The following LAMA3 variants were observed in gnomAD, a reference collection of about 807,000 sequenced individuals.
LAMA3 encodes laminin subunit alpha-3.
LAMA3 carries 281 observed loss-of-function variants against 402.0 expected under a neutral mutation model. The observed-to-expected ratio is 0.70, with a 90% confidence interval of 0.63 to 0.77. The LOEUF (loss-of-function observed/expected upper bound fraction) is 0.77, where lower values mean the gene tolerates loss of function less well. Among genes scored for constraint, LAMA3 ranks in the 30% least tolerant of loss-of-function variants. LAMA3 has a pLI of 0.00. For missense variants in LAMA3, 3,840 were observed against 4,215.5 expected, an observed-to-expected ratio of 0.91 and a Z score of 2.47; for synonymous variants, 1,431 against 1,558.4, an observed-to-expected ratio of 0.92 and a Z score of 1.93.
At chr18:23,892,609 A>C (rs1387294878) in intron 42 of LAMA3, among the ~76,000 whole-genome samples, 2 of 152,146 alleles carry the variant, frequency 1.3e-5, no homozygotes, top group Non-Finnish European at 2.9e-5. Flanking sequence ...ATATATACAT[A>C]TAAGAGCAAA....
chr18:23,931,076 G>A lies in LAMA3; in HGVS notation c.8451G>A (p.Gln2817=). 1 of 1,613,812 alleles carries A rather than the reference G, an allele frequency of 6.2e-7. No homozygotes were observed. Among genetic ancestry groups the A allele is most frequent in the South Asian group, 1.1e-5 (1 of 91,082 alleles). Residue 2817 remains glutamine, a synonymous_variant, in exon 65 of 75, where the codon CAG becomes CAA. Coordinates refer to ENST00000313654, the MANE Select transcript of LAMA3 (RefSeq NM_198129.4). ...LDHQTWTRNL[Q]VTLEDGYIEL... ...GGTGATTTCAGACAAGGAACCTGCAGGTCACTCTGGAAGATGGTTACATTG... is the reference window on the plus strand; with the variant it reads ...GGTGATTTCAGACAAGGAACCTGCAAGTCACTCTGGAAGATGGTTACATTG...
intron 38 of LAMA3, chr18:23,872,745 A>T (rs1433958640): frequency 2.3e-6 from 1 of 429,594 alleles, no homozygotes; most frequent in Non-Finnish European, 4.4e-6. Context: ...CCACCCTCCT[A>T]CCCAGGGCGT....
At chr18:23,778,653 C>T (rs964930765) in intron 11 of LAMA3, among the ~76,000 whole-genome samples, 2 of 152,188 alleles carry the variant, frequency 1.3e-5, no homozygotes, top group African/African-American at 4.8e-5. Context: ...ACACAGCCCA[C>T]GACTGGGCAC....
chr18:23,852,723 C>G (rs2063974252), intron 32 of LAMA3, among the ~76,000 whole-genome samples: 2 of 152,172 alleles, frequency 1.3e-5, no homozygotes, highest in South Asian at 4.1e-4. Context: ...CCTTAATTCC[C>G]CATTGTCTAA....
intron 2 of LAMA3, among the ~76,000 whole-genome samples, chr18:23,738,386 G>A (rs2061511628): frequency 6.6e-6 from 1 of 152,230 alleles, no homozygotes; most frequent in Non-Finnish European, 1.5e-5. Context: ...GAGAGAAGAA[G>A]GAGCGGATGT....
At chr18:23,785,311 T>G (rs2062521809) in intron 12 of LAMA3, among the ~76,000 whole-genome samples, 1 of 152,152 alleles carries the variant, frequency 6.6e-6, no homozygotes, top group East Asian at 1.9e-4. Flanking sequence ...CTGGAGGATA[T>G]TAGAATAGGT....
At chr18:23,885,130 TG>T (rs2065029127) in intron 41 of LAMA3, among the ~76,000 whole-genome samples, 1 of 144,020 alleles carries the variant, frequency 6.9e-6, no homozygotes, top group Non-Finnish European at 1.5e-5. Flanking sequence ...CGCACCCCTG[TG>T]TACCTCAACC....
At chr18:23,835,618 A>G (rs1446431928) in intron 24 of LAMA3, among the ~76,000 whole-genome samples, 1 of 152,194 alleles carries the variant, frequency 6.6e-6, no homozygotes, top group Non-Finnish European at 1.5e-5. Flanking sequence ...AATCCCTCCA[A>G]GGAGTGTCCC....
At chr18:23,883,125 CCAG>C (rs1598995139) in intron 40 of LAMA3, among the ~76,000 whole-genome samples, 2 of 152,234 alleles carry the variant, frequency 1.3e-5, no homozygotes, top group East Asian at 3.9e-4. Flanking sequence ...GTGAAGAGGG[CCAG>C]AGGTGAGGTT....
intron 60 of LAMA3, among the ~76,000 whole-genome samples, chr18:23,916,950 G>A (rs2081649545): frequency 6.6e-6 from 1 of 151,628 alleles, no homozygotes; most frequent in African/African-American, 2.4e-5. Flanking sequence ...CAGGGGTTTG[G>A]TGCACAGATT....
At position 23,827,323 on chromosome 18, in the gene LAMA3, C is replaced by T. The variant is rs2063402699; in HGVS notation, c.2679C>T (p.Leu893=). ...YAGPPQENCL[L]YQHLPVTRFP... is the part of the protein sequence containing the mutation. ...GTTGCTGTTGTTGAAGTTGCTTACT[C>T]TACCAGCATTTGCCAGTGACCAGAT... Residue 893 remains leucine, a synonymous_variant, in exon 23 of 75, where the codon CTC becomes CTT. Transcript: ENST00000313654. The T allele has an allele frequency of 1.2e-6, 2 of 1,614,206 alleles. No individual in the cohort carries two copies. The highest frequency in any genetic ancestry group is 8.5e-7 in the Non-Finnish European group (1 of 1,180,024).
chr18:23,773,647 C>A, intron 9 of LAMA3, 60 bp downstream of exon 9: 1 of 1,097,086 alleles, frequency 9.1e-7, no homozygotes, highest in Non-Finnish European at 1.4e-6. Context: ...GCGAAGTCAT[C>A]AGGCTAACTT....
chr18:23,784,934 A>G (rs1425324355), intron 12 of LAMA3, among the ~76,000 whole-genome samples: 1 of 152,198 alleles, frequency 6.6e-6, no homozygotes. Context: ...CTATAAAAAG[A>G]AAGAGATTTA....
intron 52 of LAMA3, 114 bp downstream of exon 52, chr18:23,905,738 G>T: frequency 1.7e-6 from 1 of 596,844 alleles, no homozygotes; most frequent in Non-Finnish European, 3.0e-6. Flanking sequence ...TGTCAATGCA[G>T]ATGATACCCT....
intron 37 of LAMA3, among the ~76,000 whole-genome samples, chr18:23,868,243 A>C (rs2064414174): frequency 6.6e-6 from 1 of 152,210 alleles, no homozygotes; most frequent in South Asian, 2.1e-4. Context: ...AACTTGGATC[A>C]CTTCTGGTCA....
intron 1 of LAMA3, among the ~76,000 whole-genome samples, chr18:23,700,048 C>T (rs2060763404): frequency 6.6e-6 from 1 of 152,162 alleles, no homozygotes; most frequent in Admixed American, 6.5e-5. Context: ...GAGCACATCT[C>T]CCCATGATCT....
intron 36 of LAMA3, 32 bp downstream of exon 36, chr18:23,864,915 A>G: frequency 7.2e-7 from 1 of 1,389,770 alleles, no homozygotes; most frequent in South Asian, 1.2e-5. Context: ...AAGTGGCAGG[A>G]AGTGGCAGTT....
At chr18:23,921,657 G>T in intron 62 of LAMA3, 72 bp downstream of exon 62, 1 of 1,507,396 alleles carries the variant, frequency 6.6e-7, no homozygotes. Context: ...AAAAAATCTG[G>T]TCTGCCATTT....
chr18:23,767,631 G>A (rs1285790348), intron 8 of LAMA3, among the ~76,000 whole-genome samples: 5 of 138,872 alleles, frequency 3.6e-5, no homozygotes, highest in Non-Finnish European at 7.5e-5. Context: ...AGGCTGGAGT[G>A]CAGTGGCACG....
Sources: gnomAD v4.1 joint callset for allele counts (sites outside exome capture counted in the v4.1 genomes callset) on GRCh38, gnomAD v4.1.1 for gene constraint, MANE v1.5 for transcripts, NCBI Gene and HGNC (gene_info 2026-07-23, HGNC 2026-07-21) for gene names.